ZIC4: variants seen among roughly 807,000 people sequenced by gnomAD.
The protein encoded by ZIC4 is zinc finger protein ZIC 4.
ZIC4 carries 15 observed loss-of-function variants against 28.8 expected under a neutral mutation model. The observed-to-expected ratio is 0.52, with a 90% confidence interval of 0.35 to 0.80. The LOEUF (loss-of-function observed/expected upper bound fraction) is 0.80, where lower values mean the gene tolerates loss of function less well. Ranked by LOEUF, ZIC4 falls within the 30% of genes least tolerant of loss-of-function variation. The probability of loss-of-function intolerance (pLI) is 0.01; values close to 1 mark genes in which losing one functional copy is unlikely to be tolerated. For missense variants in ZIC4, 512 were observed against 467.1 expected, an observed-to-expected ratio of 1.10 and a Z score of -0.89; for synonymous variants, 220 against 198.1, an observed-to-expected ratio of 1.11 and a Z score of -0.93.
In ZIC4 at chr3:147,390,417, G is replaced by C. The variant is rs1015404088; in HGVS notation, c.1004+514C>G. Among the ~76,000 whole-genome samples the C allele has an allele frequency of 4.6e-5, 7 of 152,160 alleles. No individual in the cohort carries two copies. The East Asian group carries it at 9.7e-4, about 21-fold the overall frequency. On this transcript the variant is annotated intron_variant, in intron 4 of 4. Transcript: ENST00000383075. The stretch of plus-strand genomic sequence containing the variant: ...ATGTGGGGGAGGGGAGGGTTAGAGT[G>C]GGGGTGGGAGCGGCCCAGTCCTCGA...
At chr3:147,399,934 G>A (rs1457893693) in intron 2 of ZIC4, among the ~76,000 whole-genome samples, 1 of 152,150 alleles carries the variant, frequency 6.6e-6, no homozygotes, top group Admixed American at 6.5e-5. Context: ...CCACAGTGCT[G>A]GGATTACAGG....
chr3:147,389,422 C>G (rs966481678), intron 4 of ZIC4: 3 of 152,454 alleles, frequency 2.0e-5, no homozygotes, highest in African/African-American at 7.2e-5. Flanking sequence ...TGGGGCCCTC[C>G]CCAGAGAGAA....
At chr3:147,397,914 C>T (rs1559963503) in intron 2 of ZIC4, among the ~76,000 whole-genome samples, 1 of 152,082 alleles carries the variant, frequency 6.6e-6, no homozygotes, top group Non-Finnish European at 1.5e-5. Flanking sequence ...CCTCTCTTTC[C>T]TCTATACTCT....
intron 3 of ZIC4, 134 bp downstream of exon 3, chr3:147,395,718 A>G: frequency 7.3e-7 from 1 of 1,378,948 alleles, no homozygotes; most frequent in Non-Finnish European, 9.8e-7. Context: ...CATAATTAAT[A>G]TTTTATGGCC....
rs1037667591 is a variant in ZIC4 at position 147,399,090 on chromosome 3, T to A, written c.71-2621A>T. Among the ~76,000 whole-genome samples the A allele has an allele frequency of 8.2e-5, 12 of 146,618 alleles. No homozygotes were observed. In the East Asian group the frequency reaches 1.4e-3, roughly 17 times the overall value. ...CTACCAATAGATACTCCTCAGTATTTAAAAAAAAAAAATTAGAGAAGAGTA... is the reference window on the plus strand; with the variant it reads ...CTACCAATAGATACTCCTCAGTATTAAAAAAAAAAAAATTAGAGAAGAGTA... On this transcript the variant is annotated intron_variant, in intron 2 of 4. Coordinates refer to ENST00000383075, the MANE Select transcript of ZIC4 (RefSeq NM_032153.6).
intron 4 of ZIC4, chr3:147,389,150 G>C: frequency 2.2e-6 from 1 of 459,906 alleles, no homozygotes; most frequent in East Asian, 3.5e-5. Flanking sequence ...ATTGTATTAG[G>C]TGTAGGCAGG....
chr3:147,403,859 T>C (rs956930399), intron 1 of ZIC4: 34 of 1,060,974 alleles, frequency 3.2e-5, no homozygotes, highest in East Asian at 7.9e-5. Context: ...TCTCTCTCTC[T>C]CCCCCTCAAC....
rs761481085 is a variant in ZIC4 at position 147,391,051 on chromosome 3, C to T, written c.884G>A (p.Ser295Asn). 6 of 1,613,994 alleles carry T rather than the reference C, an allele frequency of 3.7e-6. No homozygotes were observed. The highest frequency in any genetic ancestry group is 3.3e-5 in the Admixed American group (2 of 60,024). Reference protein sequence around the residue: ...MKVHGRSPPPSSGYDSATPSA... With the variant: ...MKVHGRSPPPNSGYDSATPSA... ...CGGTGTAGCCGAATCGTAGCCAGAG[C>T]TGGGCGGCGGCGAGCGCCCGTGCAC... Residue 295 changes from serine (S) to asparagine (N), a missense_variant, in exon 4 of 5, where the codon AGC (serine) becomes AAC (asparagine). Ser to Asn is a conservative substitution (Grantham distance 46, BLOSUM62 1). Coordinates refer to ENST00000383075, the MANE Select transcript of ZIC4 (RefSeq NM_032153.6).
chr3:147,392,092 A>T, intron 3 of ZIC4: 1 of 985,468 alleles, frequency 1.0e-6, no homozygotes, highest in Non-Finnish European at 1.2e-6. Flanking sequence ...CTGACTTGCG[A>T]TGTCGACCGG....
chr3:147,387,872 A>G lies in ZIC4; in HGVS notation c.*987T>C, dbSNP rs2086822571. On this transcript the variant is annotated 3_prime_UTR_variant, in exon 5 of 5. Coordinates refer to ENST00000383075, the MANE Select transcript of ZIC4 (RefSeq NM_032153.6). ...GCTCCCTTCCCCCCAAGTCGCCATT[A>G]AATTTAAGCCTCCATCCTACTCAAG... 6.6e-6 allele frequency: 1 copy of G among 152,274 alleles called. No homozygotes were observed. Among genetic ancestry groups the G allele is most frequent in the Admixed American group, 6.5e-5 (1 of 15,274 alleles). The allele number at this position is 152,274 out of a possible 1,614,324, so 9.4% of individuals were successfully genotyped here. A position where few individuals can be genotyped will look rare whatever the true frequency, so the allele number is the denominator to read the frequency against.
chr3:147,387,887 T>A lies in ZIC4; in HGVS notation c.*972A>T, dbSNP rs1482699229. On this transcript the variant is annotated 3_prime_UTR_variant, in exon 5 of 5. Coordinates refer to ENST00000383075, the MANE Select transcript of ZIC4 (RefSeq NM_032153.6). ...AGTCGCCATTAAATTTAAGCCTCCA[T>A]CCTACTCAAGAGTCAGAAAGGCGAT... 1 of 152,236 alleles carries A rather than the reference T, an allele frequency of 6.6e-6. No individual in the cohort carries two copies. The highest frequency in any genetic ancestry group is 1.9e-4 in the East Asian group (1 of 5,182). 9.4% of individuals were successfully genotyped at this position (152,236 alleles called of 1,614,324 possible).
chr3:147,401,734 C>A (rs1242109453), intron 2 of ZIC4, among the ~76,000 whole-genome samples: 1 of 152,164 alleles, frequency 6.6e-6, no homozygotes, highest in Non-Finnish European at 1.5e-5. Context: ...AGAGGATATT[C>A]TTCTCCTCTG....
chr3:147,396,492 G>T lies in ZIC4; in HGVS notation c.71-23C>A. 1 of 1,501,196 alleles carries T rather than the reference G, an allele frequency of 6.7e-7. No individual in the cohort carries two copies. Among genetic ancestry groups the T allele is most frequent in the East Asian group, 2.3e-5 (1 of 43,566 alleles). 93.0% of individuals were successfully genotyped at this position (1,501,196 alleles called of 1,614,324 possible). On this transcript the variant is annotated intron_variant, in intron 2 of 4. Coordinates refer to ENST00000383075, the MANE Select transcript of ZIC4 (RefSeq NM_032153.6). This position sits in a 1 kb window ranked among gnomAD's most constrained non-coding sequence, Gnocchi z 4.2. ...TACCTGTTGTCGAAACAAATAGCGC[G>T]CATGAGAACGGGTGGCGTGGGCTGC...
intron 3 of ZIC4, among the ~76,000 whole-genome samples, chr3:147,394,481 A>AC (rs1231308740): frequency 6.6e-6 from 1 of 151,752 alleles, no homozygotes; most frequent in Non-Finnish European, 1.5e-5. Context: ...AAAAAAAAAA[A>AC]AAAAAACCCT....
At position 147,396,999 on chromosome 3, in the gene ZIC4, C is replaced by G. The variant is rs1372490072; in HGVS notation, c.71-530G>C. On this transcript the variant is annotated intron_variant, in intron 2 of 4. Transcript: ENST00000383075. This position sits in a 1 kb window ranked among gnomAD's most constrained non-coding sequence, Gnocchi z 4.2. The stretch of plus-strand genomic sequence containing the variant: ...TGCCGACCCACGCTCCCCGGAGCTC[C>G]CTGTACCGGGCCGCTAACACCACTG... 6.6e-6 allele frequency: 1 copy of G among 152,586 alleles called. No individual in the cohort carries two copies. The highest frequency in any genetic ancestry group is 1.5e-5 in the Non-Finnish European group (1 of 68,360). 9.5% of individuals were successfully genotyped at this position (152,586 alleles called of 1,614,324 possible).
intron 2 of ZIC4, among the ~76,000 whole-genome samples, chr3:147,397,978 C>T (rs1043742831): frequency 2.0e-5 from 3 of 151,940 alleles, no homozygotes; most frequent in Non-Finnish European, 2.9e-5. Context: ...AGCTCAAAGA[C>T]GCGCGAAACT....
At chr3:147,398,277 C>G (rs777748707) in intron 2 of ZIC4, among the ~76,000 whole-genome samples, 5 of 152,218 alleles carry the variant, frequency 3.3e-5, no homozygotes, top group African/African-American at 4.8e-5. Flanking sequence ...TCAGCTTCGG[C>G]TACTTGTTGC....
Position 147,388,611 on chromosome 3 carries a change from A to G in ZIC4, c.*248T>C, listed in dbSNP as rs892754089. 1.6e-5 allele frequency: 8 copies of G among 495,622 alleles called. No individual in the cohort carries two copies. The highest frequency in any genetic ancestry group is 1.6e-4 in the African/African-American group (8 of 51,310). The allele number at this position is 495,622 out of a possible 1,614,324, so 30.7% of individuals were successfully genotyped here. Reference sequence around the variant, plus strand: ...GTCAAACAAAAATATATACTTGTATACACAAGAAAAAAGGTCTGTTAGACG... The same window carrying G: ...GTCAAACAAAAATATATACTTGTATGCACAAGAAAAAAGGTCTGTTAGACG... On this transcript the variant is annotated 3_prime_UTR_variant, in exon 5 of 5. Transcript: ENST00000383075.
intron 3 of ZIC4, chr3:147,393,565 T>G (rs1290746259): frequency 3.7e-6 from 1 of 270,284 alleles, no homozygotes; most frequent in Non-Finnish European, 7.3e-6. Flanking sequence ...CCAGCAGTCC[T>G]GAAAGGCCTC....
Sources: allele counts gnomAD v4.1 joint callset (sites outside exome capture counted in the v4.1 genomes callset), GRCh38; gene constraint gnomAD v4.1.1; non-coding constraint Gnocchi (gnomAD v3.1); transcripts MANE v1.5; gene names NCBI Gene and HGNC (gene_info 2026-07-23, HGNC 2026-07-21).